Variants in GFRA1 observed in about 807,000 individuals in gnomAD.
GFRA1 encodes GDNF family receptor alpha-1.
Under a neutral mutation model 51.6 loss-of-function variants are expected in GFRA1, and 16 were observed. The ratio of observed to expected loss-of-function variants is 0.31; its 90% CI spans 0.21 to 0.47. The LOEUF (loss-of-function observed/expected upper bound fraction) is 0.47. GFRA1 is among the 20% of genes least tolerant of loss of function. The pLI, the probability that GFRA1 is intolerant of heterozygous loss-of-function variation, is 1.00. For synonymous variants in GFRA1, 270 were observed against 241.3 expected (o/e 1.12, Z -1.10); for missense variants, 530 against 594.3 (o/e 0.89, Z 1.13).
chr10:116,100,426 G>GTTAAGTGC (rs1266055583), intron 6 of GFRA1, among the ~76,000 whole-genome samples: 1 of 152,174 alleles, frequency 6.6e-6, no homozygotes, highest in Admixed American at 6.5e-5. Flanking sequence ...TCTGATGCCA[G>GTTAAGTGC]AGCCGGAGAT....
chr10:116,222,176 G>A (rs1452050009), intron 4 of GFRA1, among the ~76,000 whole-genome samples: 1 of 152,050 alleles, frequency 6.6e-6, no homozygotes, highest in Non-Finnish European at 1.5e-5. Flanking sequence ...AGCAGCCAGA[G>A]GGCTTTCTTT....
intron 4 of GFRA1, among the ~76,000 whole-genome samples, chr10:116,249,702 TGC>T (rs200430067): frequency 1.3e-5 from 2 of 152,284 alleles, no homozygotes; most frequent in Admixed American, 6.5e-5. Flanking sequence ...TCACTTACTA[TGC>T]ATTTGTTCAC....
intron 4 of GFRA1, among the ~76,000 whole-genome samples, chr10:116,244,100 T>TA (rs1204850574): frequency 6.6e-6 from 1 of 151,862 alleles, no homozygotes; most frequent in Non-Finnish European, 1.5e-5. Flanking sequence ...ATTGTTGAAA[T>TA]AATAAAACAC....
At chr10:116,226,183 G>A (rs540833325) in intron 4 of GFRA1, among the ~76,000 whole-genome samples, 9 of 152,220 alleles carry the variant, frequency 5.9e-5, no homozygotes, top group South Asian at 2.1e-4. Context: ...CTGTGATTAC[G>A]GAGGCACAAA....
At chr10:116,137,594 A>G (rs914653658) in intron 5 of GFRA1, among the ~76,000 whole-genome samples, 2 of 152,150 alleles carry the variant, frequency 1.3e-5, no homozygotes, top group Admixed American at 6.5e-5. Context: ...TTTCTTCTGG[A>G]AAGATAAACA....
At chr10:116,120,935 G>A (rs1352436897) in intron 6 of GFRA1, among the ~76,000 whole-genome samples, 8 of 152,158 alleles carry the variant, frequency 5.3e-5, no homozygotes, top group Non-Finnish European at 1.0e-4. Flanking sequence ...GCAAGCGGGC[G>A]GCTTCGCAGG....
intron 4 of GFRA1, among the ~76,000 whole-genome samples, chr10:116,258,063 C>T (rs1475184539): frequency 6.6e-6 from 1 of 152,198 alleles, no homozygotes; most frequent in African/African-American, 2.4e-5. Flanking sequence ...CCGTTATTCC[C>T]ACCATAGGGC....
intron 7 of GFRA1, 52 bp from the exon 8 acceptor site, chr10:116,093,888 T>C: frequency 1.9e-6 from 3 of 1,588,904 alleles, no homozygotes; most frequent in Non-Finnish European, 2.6e-6. Context: ...TACTTTTCCA[T>C]GGCCTAAAAA....
rs1011013562 is a variant in GFRA1 at position 116,192,615 on chromosome 10, T to G, written c.433+19016A>C. Reference sequence around the variant, plus strand: ...ATTGAAAGAGGCTGCCTAGTGCACCTTCGCCCCTGTAGCAACGCCCTATCT... The same window carrying G: ...ATTGAAAGAGGCTGCCTAGTGCACCGTCGCCCCTGTAGCAACGCCCTATCT... On this transcript the variant is annotated intron_variant, in intron 5 of 10. Coordinates refer to ENST00000355422, the MANE Select transcript of GFRA1 (RefSeq NM_005264.8). Among the ~76,000 whole-genome samples the G allele has an allele frequency of 2.6e-5, 4 of 152,300 alleles. No homozygotes were observed. In the South Asian group the frequency reaches 8.3e-4, roughly 32 times the overall value.
chr10:116,217,727 C>T (rs1171054424), intron 4 of GFRA1, among the ~76,000 whole-genome samples: 1 of 152,146 alleles, frequency 6.6e-6, no homozygotes, highest in Non-Finnish European at 1.5e-5. Context: ...GTTATTTTAT[C>T]TCCCCAAGCC....
chr10:116,235,239 T>C (rs867681749), intron 4 of GFRA1, among the ~76,000 whole-genome samples: 1 of 152,178 alleles, frequency 6.6e-6, no homozygotes, highest in Non-Finnish European at 1.5e-5. Context: ...GGAAGACACA[T>C]GTGGCTGAAA....
At chr10:116,099,711 T>C (rs773038385) in intron 6 of GFRA1, among the ~76,000 whole-genome samples, 2 of 152,186 alleles carry the variant, frequency 1.3e-5, no homozygotes, top group African/African-American at 4.8e-5. Flanking sequence ...GATATAATGA[T>C]GAAAAAGACC....
At chr10:116,122,110 C>T (rs1017712229) in intron 6 of GFRA1, among the ~76,000 whole-genome samples, 1 of 152,114 alleles carries the variant, frequency 6.6e-6, no homozygotes, top group African/African-American at 2.4e-5. Context: ...TTCACCTTCC[C>T]AGGAAAGGCT....
chr10:116,243,664 A>T (rs901159940), intron 4 of GFRA1, among the ~76,000 whole-genome samples: 9 of 152,118 alleles, frequency 5.9e-5, no homozygotes, highest in Non-Finnish European at 1.3e-4. Context: ...AGCTTTAAAA[A>T]ATATATATCT....
Position 116,086,997 on chromosome 10 carries a change from T to C in GFRA1, c.1197+2744A>G, listed in dbSNP as rs950942455. Among the ~76,000 whole-genome samples, 27 of 152,284 alleles carry C rather than the reference T, an allele frequency of 1.8e-4. 1 individual carries two copies. Among genetic ancestry groups the C allele is most frequent in the African/African-American group, 6.5e-4 (27 of 41,552 alleles). On this transcript the variant is annotated intron_variant, in intron 9 of 10. Transcript: ENST00000355422. ...CACGCCCAGCTAATTTTTGTATTTTTAGTAGAGACAGGATTTTACCATGTT... is the reference window on the plus strand; with the variant it reads ...CACGCCCAGCTAATTTTTGTATTTTCAGTAGAGACAGGATTTTACCATGTT...
At chr10:116,080,254 C>A (rs1291952191) in intron 9 of GFRA1, among the ~76,000 whole-genome samples, 1 of 152,216 alleles carries the variant, frequency 6.6e-6, no homozygotes, top group African/African-American at 2.4e-5. Flanking sequence ...CTTCTACTGT[C>A]ATCTGCACGT....
chr10:116,126,283 G>A (rs1475955702), intron 5 of GFRA1, among the ~76,000 whole-genome samples: 1 of 152,196 alleles, frequency 6.6e-6, no homozygotes, highest in East Asian at 1.9e-4. Context: ...AATTTCAATG[G>A]GCTCCAGGAA....
chr10:116,265,559 C>T (rs927694495), intron 4 of GFRA1, among the ~76,000 whole-genome samples: 9 of 152,214 alleles, frequency 5.9e-5, no homozygotes, highest in African/African-American at 2.2e-4. Flanking sequence ...ACAGGTTCAT[C>T]ATCCTTTCAA....
chr10:116,112,238 G>A (rs970260393), intron 6 of GFRA1, among the ~76,000 whole-genome samples: 2 of 152,106 alleles, frequency 1.3e-5, no homozygotes, highest in East Asian at 1.9e-4. Flanking sequence ...TGGAGTGAAC[G>A]TTCTTGGAGA....
Sources: gnomAD v4.1 joint callset for allele counts (sites outside exome capture counted in the v4.1 genomes callset) on GRCh38, gnomAD v4.1.1 for gene constraint, MANE v1.5 for transcripts, NCBI Gene and HGNC (gene_info 2026-07-23, HGNC 2026-07-21) for gene names.